The following ARID1B variants were observed in gnomAD, a reference collection of about 807,000 sequenced individuals.
ARID1B encodes AT-rich interactive domain-containing protein 1B.
In ARID1B, 30 loss-of-function variants were observed where a neutral mutation model predicts 212.3. The observed-to-expected ratio is 0.14, with a 90% CI of 0.11 to 0.19. The LOEUF (loss-of-function observed/expected upper bound fraction) is 0.19. Among genes scored for constraint, ARID1B ranks in the 10% least tolerant of loss-of-function variants. The pLI is 1.00. For synonymous variants in ARID1B, 1,402 were observed against 1,301.7 expected, an observed-to-expected ratio of 1.08 and a Z score of -1.66; for missense variants, 2,891 against 3,204.0, an observed-to-expected ratio of 0.90 and a Z score of 2.36.
rs763168423 is a variant in ARID1B at position 156,816,969 on chromosome 6, C to A, written c.1792-12258C>A. Reference sequence around the variant, plus strand: ...AGAAGTGTCTCTAACAGTCCACATTCTTTTTGATACCACAGCATAATCAGA... The same window carrying A: ...AGAAGTGTCTCTAACAGTCCACATTATTTTTGATACCACAGCATAATCAGA... On this transcript the variant is annotated intron_variant, in intron 1 of 19. Transcript: ENST00000636930. Among the ~76,000 whole-genome samples, 96 of 151,820 alleles carry A rather than the reference C, an allele frequency of 6.3e-4. 1 individual carries two copies. The highest frequency in any genetic ancestry group is 3.2e-3 in the Admixed American group (49 of 15,246).
At chr6:157,095,634 G>A (rs1324785974) in intron 5 of ARID1B, among the ~76,000 whole-genome samples, 1 of 152,188 alleles carries the variant, frequency 6.6e-6, no homozygotes, top group Non-Finnish European at 1.5e-5. Context: ...TGTGTTAAGG[G>A]CGGCATAGTG....
At chr6:157,020,978 G>C (rs942583068) in intron 4 of ARID1B, among the ~76,000 whole-genome samples, 1 of 152,230 alleles carries the variant, frequency 6.6e-6, no homozygotes, top group Non-Finnish European at 1.5e-5. Context: ...AGAAATTCGG[G>C]GACCCGGAAA....
chr6:157,039,506 A>G (rs1455770900), intron 4 of ARID1B, among the ~76,000 whole-genome samples: 1 of 151,216 alleles, frequency 6.6e-6, no homozygotes, highest in Non-Finnish European at 1.5e-5. Flanking sequence ...AATTTTTTGT[A>G]TTTTTAGTAG....
At chr6:156,973,783 A>G (rs1432480251) in intron 4 of ARID1B, among the ~76,000 whole-genome samples, 2 of 152,158 alleles carry the variant, frequency 1.3e-5, no homozygotes, top group Non-Finnish European at 2.9e-5. Context: ...TGACTTACCA[A>G]TTTATTTCAA....
Position 156,777,747 on chromosome 6 carries a change from G to T in ARID1B, c.67G>T (p.Gly23Cys), listed in dbSNP as rs1392550528. The change falls in exon 1 of 20, where the codon GGC becomes TGC. Residue 23 changes from glycine to cysteine, a missense_variant. By Grantham distance (159) the Gly-to-Cys change is radical. Coordinates refer to ENST00000636930, the MANE Select transcript of ARID1B (RefSeq NM_001374828.1). ...AARARARAGS[G>C]ERRAPPGPRP... is the part of the protein sequence containing the mutation. ...GCGGGCGCGGGCGCGGGCAGGCAGCGGCGAACGGCGGGCGCCCCCCGGGCC... is the reference window on the plus strand; with the variant it reads ...GCGGGCGCGGGCGCGGGCAGGCAGCTGCGAACGGCGGGCGCCCCCCGGGCC... 2 of 402,332 alleles carry T rather than the reference G, an allele frequency of 5.0e-6. No homozygotes were observed. Among genetic ancestry groups the T allele is most frequent in the Non-Finnish European group, 6.6e-6 (2 of 301,870 alleles). The allele number at this position is 402,332 out of a possible 1,614,324, so 24.9% of individuals were successfully genotyped here. A position where few individuals can be genotyped will look rare whatever the true frequency, so the allele number is the denominator to read the frequency against.
rs1159915692 is a variant in ARID1B at position 156,778,906 on chromosome 6, G to C, written c.1226G>C (p.Gly409Ala). The C allele has an allele frequency of 6.3e-5, 86 of 1,367,022 alleles. No homozygotes were observed. Among genetic ancestry groups the C allele is most frequent in the Admixed American group, 7.4e-5 (2 of 27,144 alleles). The allele number at this position is 1,367,022 out of a possible 1,614,324, so 84.7% of individuals were successfully genotyped here. A position where few individuals can be genotyped will look rare whatever the true frequency, so the allele number is the denominator to read the frequency against. ...GGAGGCAGCGGAGGAGGAGGAGGAG[G>C]AGGAGGAGCAGGAGCAGGAGGAGCA... Reference protein sequence around the residue: ...GGGGSGGGGGGGGAGAGGAGA... With the variant: ...GGGGSGGGGGAGGAGAGGAGA... Residue 409 changes from glycine to alanine, a missense_variant, in exon 1 of 20, where the codon GGA (glycine) becomes GCA (alanine). By Grantham distance (60) the Gly-to-Ala change is moderately conservative. Around this residue, in one of 7 missense-constraint regions of ARID1B, gnomAD observed 1,643 missense variants for 1,544.0 expected, o/e 1.06. Transcript: ENST00000636930.
At chr6:156,804,347 A>G (rs1004231478) in intron 1 of ARID1B, among the ~76,000 whole-genome samples, 4 of 143,132 alleles carry the variant, frequency 2.8e-5, no homozygotes, top group South Asian at 2.2e-4. Context: ...AAAAAAAAGC[A>G]AAAAAAAAAA....
intron 2 of ARID1B, among the ~76,000 whole-genome samples, chr6:156,843,389 A>G (rs945653264): frequency 6.6e-6 from 1 of 152,228 alleles, no homozygotes; most frequent in African/African-American, 2.4e-5. Flanking sequence ...AACTCAGCAC[A>G]TGTATTTTCA....
At chr6:157,184,070 CTG>C (rs1792777132) in intron 12 of ARID1B, among the ~76,000 whole-genome samples, 159 bp from the exon 13 acceptor site, 1 of 152,118 alleles carries the variant, frequency 6.6e-6, no homozygotes, top group Non-Finnish European at 1.5e-5. Context: ...GGTTTTATAA[CTG>C]TAAATGCTGC....
rs181509489 is a variant in ARID1B, at chr6:157,039,040, G to C, written c.2248-45622G>C. 4.4e-3 allele frequency among the ~76,000 whole-genome samples: 672 copies of C among 151,998 alleles called. 4 individuals carry two copies. The highest frequency in any genetic ancestry group is 0.015 in the African/African-American group (640 of 41,452). ...CGCCAGCCATGTGCCACCATGCCTG[G>C]CTAATTTTTTATAAAAATGCAGGTC... On this transcript the variant is annotated intron_variant, in intron 4 of 19. Transcript: ENST00000636930.
At chr6:156,901,692 C>T in intron 3 of ARID1B, 167 bp downstream of exon 3, 1 of 886,294 alleles carries the variant, frequency 1.1e-6, no homozygotes, top group Non-Finnish European at 1.7e-6. Flanking sequence ...CTCCCTCCGT[C>T]TTTTCCCCTT....
At chr6:156,963,447 T>G (rs2128327991) in intron 4 of ARID1B, among the ~76,000 whole-genome samples, 1 of 152,350 alleles carries the variant, frequency 6.6e-6, no homozygotes, top group African/African-American at 2.4e-5. Context: ...GAAATTGTAA[T>G]TTCTTGTCAA....
intron 1 of ARID1B, among the ~76,000 whole-genome samples, chr6:156,781,198 G>A (rs186780700): frequency 3.3e-5 from 5 of 152,020 alleles, no homozygotes; most frequent in Admixed American, 2.0e-4. Flanking sequence ...AATTAAAAGG[G>A]GAAAAATGAG....
intron 4 of ARID1B, among the ~76,000 whole-genome samples, chr6:156,948,813 A>G (rs144918570): frequency 6.6e-5 from 10 of 152,368 alleles, no homozygotes; most frequent in African/African-American, 2.4e-4. Flanking sequence ...AACAGAAAAT[A>G]TCTACTTTTG....
chr6:156,828,732 C>G (rs1554256607), intron 1 of ARID1B, among the ~76,000 whole-genome samples: 1 of 152,202 alleles, frequency 6.6e-6, no homozygotes, highest in Non-Finnish European at 1.5e-5. Context: ...TAAAATCTAT[C>G]TTTTCACTTT....
chr6:156,960,994 G>A lies in ARID1B; in HGVS notation c.2247+25418G>A, dbSNP rs368141850. Among the ~76,000 whole-genome samples, 12 of 152,256 alleles carry A rather than the reference G, an allele frequency of 7.9e-5. No homozygotes were observed. In the East Asian group the frequency reaches 9.6e-4, roughly 12 times the overall value. On this transcript the variant is annotated intron_variant, in intron 4 of 19. Transcript: ENST00000636930. ...TCTACCTTTTTAAAAAGGAAAAATC[G>A]TTGTAAAATGGAACATTGATTCTAA...
intron 2 of ARID1B, among the ~76,000 whole-genome samples, chr6:156,854,137 T>G (rs2128112987): frequency 6.6e-6 from 1 of 152,336 alleles, no homozygotes; most frequent in South Asian, 2.1e-4. Context: ...TTATGAATGT[T>G]TTCATAAAAC....
intron 3 of ARID1B, among the ~76,000 whole-genome samples, chr6:156,923,170 A>T (rs1454919065): frequency 6.6e-6 from 1 of 152,350 alleles, no homozygotes; most frequent in East Asian, 1.9e-4. Context: ...GAAATTAGCC[A>T]TTGTTAATGT....
intron 4 of ARID1B, among the ~76,000 whole-genome samples, chr6:156,944,924 C>T (rs776176763): frequency 9.7e-5 from 14 of 144,616 alleles, no homozygotes; most frequent in Admixed American, 3.4e-4. Flanking sequence ...TTTTTCTTTT[C>T]CTTTTTTTTT....
Sources: gnomAD v4.1 joint callset for allele counts (sites outside exome capture counted in the v4.1 genomes callset) on GRCh38, gnomAD v4.1.1 for gene constraint, gnomAD v4.1.1 regional missense constraint, MANE v1.5 for transcripts, NCBI Gene and HGNC (gene_info 2026-07-23, HGNC 2026-07-21) for gene names.